Variants in GABBR1 observed in about 807,000 individuals in gnomAD.
GABBR1 encodes the protein gamma-aminobutyric acid type B receptor subunit 1, also known as GABA-B receptor, R1 subunit.
A neutral mutation model predicts 117.7 loss-of-function variants in GABBR1; 35 were observed. The ratio of observed to expected loss-of-function variants is 0.30; its 90% CI spans 0.23 to 0.39. The LOEUF (loss-of-function observed/expected upper bound fraction) is 0.39. GABBR1 is among the 10% of genes least tolerant of loss of function. The pLI is 1.00. For missense variants in GABBR1, 709 were observed against 1,241.8 expected (o/e 0.57, Z 6.45); for synonymous variants, 442 against 486.6 (o/e 0.91, Z 1.21).
chr6:29,619,737 CCAA>C (rs1763560596), intron 11 of GABBR1, among the ~76,000 whole-genome samples: 1 of 151,968 alleles, frequency 6.6e-6, no homozygotes, highest in Non-Finnish European at 1.5e-5. Flanking sequence ...GCTCAGGGCA[CCAA>C]CAAGTCTTTC....
chr6:29,623,308 A>C lies in GABBR1; in HGVS notation c.960T>G (p.Thr320=). The C allele has an allele frequency of 1.2e-6, 2 of 1,612,884 alleles. No homozygotes were observed. The highest frequency in any genetic ancestry group is 1.7e-6 in the Non-Finnish European group (2 of 1,179,028). Reference sequence around the variant, plus strand: ...CCCTTGCCCAACCCCTCCTCACCGAAGTGAAGACCTCAGTGGTCTGCTGGA... The same window carrying C: ...CCCTTGCCCAACCCCTCCTCACCGACGTGAAGACCTCAGTGGTCTGCTGGA... ...ATIQQTTEVF[T]STLDDLEERV... The change falls in exon 8 of 23, where the codon ACT becomes ACG. Residue 320 remains threonine, a synonymous_variant. Transcript: ENST00000377034. This position sits in a 1 kb window ranked among gnomAD's most constrained non-coding sequence, Gnocchi z 6.2.
intron 11 of GABBR1, among the ~76,000 whole-genome samples, chr6:29,619,154 A>C (rs1763490757): frequency 6.6e-6 from 1 of 152,262 alleles, no homozygotes; most frequent in East Asian, 1.9e-4. Context: ...GACGGATGTT[A>C]AAGTTTGAGA....
At chr6:29,626,136 C>T (rs967069427) in intron 6 of GABBR1, among the ~76,000 whole-genome samples, 5 of 152,244 alleles carry the variant, frequency 3.3e-5, no homozygotes, top group South Asian at 2.1e-4. Context: ...CTGAGAACCA[C>T]GAGAAAGTAA....
chr6:29,605,535 C>A lies in GABBR1; in HGVS notation c.2439+34G>T, dbSNP rs1373944115. On this transcript the variant is annotated intron_variant, in intron 20 of 22. Coordinates refer to ENST00000377034, the MANE Select transcript of GABBR1 (RefSeq NM_001470.4). The surrounding 1 kb of genome is among the most constrained non-coding windows in gnomAD (Gnocchi z 4.2). ...TCTATATCTGGGCTGCTGTGGTCAG[C>A]CTACAGGGTCAATGCCATGGGGTCA... 6.2e-7 allele frequency: 1 copy of A among 1,611,258 alleles called. No individual in the cohort carries two copies.
rs1764938444 is a variant in GABBR1, at chr6:29,631,344, G to A, written c.289+52C>T. 1.9e-6 allele frequency: 3 copies of A among 1,551,758 alleles called. No individual in the cohort carries two copies. Among genetic ancestry groups the A allele is most frequent in the African/African-American group, 1.4e-5 (1 of 73,692 alleles). On this transcript the variant is annotated intron_variant, in intron 3 of 22. Coordinates refer to ENST00000377034, the MANE Select transcript of GABBR1 (RefSeq NM_001470.4). This position sits in a 1 kb window ranked among gnomAD's most constrained non-coding sequence, Gnocchi z 5.9. ...TTGCAAGCAGTAATGCTAAGTTTGC[G>A]GCAGGAAAAGGAATAGTCTTGAAGA...
chr6:29,616,812 A>C (rs1582984638), intron 11 of GABBR1, among the ~76,000 whole-genome samples: 1 of 143,512 alleles, frequency 7.0e-6, no homozygotes, highest in Non-Finnish European at 1.5e-5. Flanking sequence ...GTACCACTGC[A>C]CTCCTGCCTG....
At chr6:29,614,131 A>G (rs1762827237) in intron 11 of GABBR1, among the ~76,000 whole-genome samples, 1 of 152,206 alleles carries the variant, frequency 6.6e-6, no homozygotes, top group Non-Finnish European at 1.5e-5. Flanking sequence ...TTCTTTTTCC[A>G]TGAAAGCTAA....
Position 29,602,897 on chromosome 6 carries a change from C to T in GABBR1, c.*646G>A, listed in dbSNP as rs762027561. ...ACATGAAGAAAGCATACGGGAAAAG[C>T]GTGTGTACACATGAGCATGTTCAGT... On this transcript the variant is annotated 3_prime_UTR_variant, in exon 23 of 23. Transcript: ENST00000377034. 26 of 403,572 alleles carry T rather than the reference C, an allele frequency of 6.4e-5. 2 individuals carry two copies. The highest frequency in any genetic ancestry group is 3.9e-4 in the South Asian group (21 of 54,524). The allele number at this position is 403,572 out of a possible 1,614,324, so 25.0% of individuals were successfully genotyped here. A position where few individuals can be genotyped will look rare whatever the true frequency, so the allele number is the denominator to read the frequency against.
At chr6:29,614,983 A>AAAG (rs972616418) in intron 11 of GABBR1, among the ~76,000 whole-genome samples, 5 of 115,754 alleles carry the variant, frequency 4.3e-5, no homozygotes, top group Admixed American at 1.9e-4. Flanking sequence ...AAACTGCTCA[A>AAAG]AAAAAAAAAA....
chr6:29,614,847 A>G (rs1354475226), intron 11 of GABBR1, among the ~76,000 whole-genome samples: 2 of 152,198 alleles, frequency 1.3e-5, no homozygotes, highest in Non-Finnish European at 2.9e-5. Context: ...TGATGTATCA[A>G]TGTAGGTTCA....
At position 29,604,486 on chromosome 6, in the gene GABBR1, C is replaced by T; in HGVS notation, c.2712+8G>A. The T allele has an allele frequency of 6.2e-7, 1 of 1,613,324 alleles. No homozygotes were observed. The highest frequency in any genetic ancestry group is 8.5e-7 in the Non-Finnish European group (1 of 1,180,018). On this transcript the variant is annotated splice_region_variant and intron_variant, in intron 22 of 22. Coordinates refer to ENST00000377034, the MANE Select transcript of GABBR1 (RefSeq NM_001470.4). The surrounding 1 kb of genome is among the most constrained non-coding windows in gnomAD (Gnocchi z 5.3). ...TCCAACACCCTACCCTGACACCCAC[C>T]CCCGCACCTCAGCAATGATCTTTTC...
chr6:29,620,079 G>C lies in GABBR1; in HGVS notation c.1323+1022C>G, dbSNP rs956785923. Among the ~76,000 whole-genome samples, 1 of 152,202 alleles carries C rather than the reference G, an allele frequency of 6.6e-6. No homozygotes were observed. Among genetic ancestry groups the C allele is most frequent in the Non-Finnish European group, 1.5e-5 (1 of 68,034 alleles). On this transcript the variant is annotated intron_variant, in intron 11 of 22. Transcript: ENST00000377034. This position sits in a 1 kb window ranked among gnomAD's most constrained non-coding sequence, Gnocchi z 4.5. Reference sequence around the variant, plus strand: ...TTCATGGTTTTCCATGGGAAGTGATGAGCAGAGCAGTTTGGAGCCAGATTT... The same window carrying C: ...TTCATGGTTTTCCATGGGAAGTGATCAGCAGAGCAGTTTGGAGCCAGATTT...
At chr6:29,624,256 C>T (rs1764049106) in intron 6 of GABBR1, 5 of 446,728 alleles carry the variant, frequency 1.1e-5, no homozygotes, top group Non-Finnish European at 2.0e-5. Context: ...ATCACCTCTC[C>T]TGCACACCCC....
Position 29,627,374 on chromosome 6 carries a change from G to T in GABBR1, c.657+112C>A. ...ATCTCCTGCCAGTCACACAAGGGAG[G>T]GGTCTGCCTCGCAATCCCAGAGACG... is the stretch of plus-strand genomic sequence containing the variant. On this transcript the variant is annotated intron_variant, in intron 6 of 22. Transcript: ENST00000377034. This position sits in a 1 kb window ranked among gnomAD's most constrained non-coding sequence, Gnocchi z 4.4. 9.2e-7 allele frequency: 1 copy of T among 1,081,868 alleles called. No homozygotes were observed. Among genetic ancestry groups the T allele is most frequent in the African/African-American group, 1.6e-5 (1 of 62,662 alleles). The allele number at this position is 1,081,868 out of a possible 1,614,324, so 67.0% of individuals were successfully genotyped here.
intron 14 of GABBR1, among the ~76,000 whole-genome samples, chr6:29,610,139 C>T (rs1306931646): frequency 6.6e-6 from 1 of 151,342 alleles, no homozygotes; most frequent in African/African-American, 2.4e-5. Context: ...GCAGGGCAGA[C>T]GGCAGCCATC....
chr6:29,623,744 G>T lies in GABBR1; in HGVS notation c.792+146C>A. ...GTCAGGCCACTGTTGCTAGGAGGCT[G>T]CCTAGCTCAGGTCTGCAGAGGACTC... On this transcript the variant is annotated intron_variant, in intron 7 of 22. Transcript: ENST00000377034. This position sits in a 1 kb window ranked among gnomAD's most constrained non-coding sequence, Gnocchi z 6.2. The T allele has an allele frequency of 1.1e-6, 1 of 945,840 alleles. No individual in the cohort carries two copies. Among genetic ancestry groups the T allele is most frequent in the South Asian group, 1.8e-5 (1 of 54,964 alleles). The allele number at this position is 945,840 out of a possible 1,614,324, so 58.6% of individuals were successfully genotyped here.
chr6:29,603,272 G>A lies in GABBR1; in HGVS notation c.*271C>T, dbSNP rs1201805207. ...AGGCTGCTGAGGAGGCAGCGTGTGA[G>A]CAGTGAGCAGCTTCAAGCCAGGTAC... On this transcript the variant is annotated 3_prime_UTR_variant, in exon 23 of 23. Transcript: ENST00000377034. The A allele has an allele frequency of 1.6e-6, 1 of 644,458 alleles. No individual in the cohort carries two copies. Among genetic ancestry groups the A allele is most frequent in the African/African-American group, 1.8e-5 (1 of 56,208 alleles). The allele number at this position is 644,458 out of a possible 1,614,324, so 39.9% of individuals were successfully genotyped here. A position where few individuals can be genotyped will look rare whatever the true frequency, so the allele number is the denominator to read the frequency against.
In GABBR1 at chr6:29,632,496, C is replaced by A; in HGVS notation, c.1-111G>T. ...CTCGCAGGCTCCGACCGGGCTCAGC[C>A]TGGGGACCAAGAGAGCGCCCCGCGG... On this transcript the variant is annotated intron_variant, in intron 1 of 22. Coordinates refer to ENST00000377034, the MANE Select transcript of GABBR1 (RefSeq NM_001470.4). This position sits in a 1 kb window ranked among gnomAD's most constrained non-coding sequence, Gnocchi z 5.8. The A allele has an allele frequency of 1.9e-6, 2 of 1,054,138 alleles. No homozygotes were observed. Among genetic ancestry groups the A allele is most frequent in the Non-Finnish European group, 2.6e-6 (2 of 780,028 alleles). 65.3% of individuals were successfully genotyped at this position (1,054,138 alleles called of 1,614,324 possible).
rs989599729 is a variant in GABBR1, at chr6:29,613,356, A to C, written c.1453T>G (p.Ser485Ala). 7 of 1,612,940 alleles carry C rather than the reference A, an allele frequency of 4.3e-6. No individual in the cohort carries two copies. The highest frequency in any genetic ancestry group is 5.9e-6 in the Non-Finnish European group (7 of 1,180,034). Residue 485 changes from serine (S) to alanine (A), a missense_variant, in exon 12 of 23, where the codon TCT becomes GCT. Coordinates refer to ENST00000377034, the MANE Select transcript of GABBR1 (RefSeq NM_001470.4). The surrounding 1 kb of genome is among the most constrained non-coding windows in gnomAD (Gnocchi z 4.1). Reference sequence around the variant, plus strand: ...ACACCAGAACGGCCGCCTCCTCCAGATGTCTTGTTCAGGGCCAGTGCCAAG... The same window carrying C: ...ACACCAGAACGGCCGCCTCCTCCAGCTGTCTTGTTCAGGGCCAGTGCCAAG... The part of the protein sequence containing the change: ...WALALALNKT[S>A]GGGGRSGVRL...
Sources: gnomAD v4.1 joint callset for allele counts (sites outside exome capture counted in the v4.1 genomes callset) on GRCh38, gnomAD v4.1.1 for gene constraint, Gnocchi (gnomAD v3.1) non-coding constraint, MANE v1.5 for transcripts, NCBI Gene and HGNC (gene_info 2026-07-23, HGNC 2026-07-21) for gene names.